AHI1: variants seen among roughly 807,000 people sequenced by gnomAD.
The protein encoded by AHI1 is jouberin.
Under a neutral mutation model 149.3 loss-of-function variants are expected in AHI1, and 123 were observed. The observed-to-expected ratio is 0.82, with a 90% CI of 0.71 to 0.96. The LOEUF is 0.96. Among genes scored for constraint, AHI1 ranks in the 40% least tolerant of loss-of-function variants. AHI1 has a pLI of 0.00. For missense variants in AHI1, 1,439 were observed against 1,422.7 expected (o/e 1.01, Z -0.18); for synonymous variants, 475 against 459.8 (o/e 1.03, Z -0.42).
chr6:135,285,693 GTCTTCTGACTACAACCAAA>G (rs1562430262), intron 28 of AHI1, 46 bp from the exon 29 acceptor site: 1 of 1,521,706 alleles, frequency 6.6e-7, no homozygotes, highest in Non-Finnish European at 9.0e-7. Flanking sequence ...CTTGAATAAT[GTCTTCTGACTACAACCAAA>G]TCTTAGTGTG....
intron 23 of AHI1, among the ~76,000 whole-genome samples, chr6:135,358,508 A>C (rs1793346315): frequency 6.6e-6 from 1 of 152,316 alleles, no homozygotes; most frequent in South Asian, 2.1e-4. Flanking sequence ...TCTTCCATGA[A>C]AGTTTTATTT....
intron 4 of AHI1, 97 bp from the exon 5 acceptor site, chr6:135,490,844 G>T (rs997756123): frequency 7.1e-7 from 1 of 1,412,542 alleles, no homozygotes. Flanking sequence ...TGTAAATATC[G>T]GCATGAGTTC....
chr6:135,437,424 C>G (rs1458231652), intron 15 of AHI1, among the ~76,000 whole-genome samples: 1 of 152,050 alleles, frequency 6.6e-6, no homozygotes, highest in East Asian at 1.9e-4. Context: ...AGGATATTGT[C>G]AAAAAGGAGT....
chr6:135,308,952 A>G (rs994113672), intron 26 of AHI1, among the ~76,000 whole-genome samples: 32 of 152,316 alleles, frequency 2.1e-4, no homozygotes, highest in Non-Finnish European at 4.3e-4. Context: ...GAGAGTTAAG[A>G]GGGTCCTGGA....
intron 20 of AHI1, among the ~76,000 whole-genome samples, chr6:135,416,300 T>G (rs1782369512): frequency 6.6e-6 from 1 of 151,540 alleles, no homozygotes; most frequent in South Asian, 2.1e-4. Context: ...AAAAGAACTG[T>G]GTCCAATAAA....
At chr6:135,359,774 T>A (rs1289643450) in intron 23 of AHI1, among the ~76,000 whole-genome samples, 2 of 152,224 alleles carry the variant, frequency 1.3e-5, no homozygotes, top group Non-Finnish European at 2.9e-5. Context: ...GGCTGATTAC[T>A]GATTTTTAAA....
chr6:135,480,929 A>G (rs1397212980), intron 5 of AHI1, among the ~76,000 whole-genome samples: 2 of 152,222 alleles, frequency 1.3e-5, no homozygotes, highest in Non-Finnish European at 2.9e-5. Context: ...ATGAGAATCT[A>G]ACTAATACCT....
chr6:135,425,740 C>T (rs1451313853), intron 20 of AHI1, among the ~76,000 whole-genome samples: 1 of 151,764 alleles, frequency 6.6e-6, no homozygotes, highest in Non-Finnish European at 1.5e-5. Context: ...ATGCTTAGCT[C>T]TTTCTCCTAC....
chr6:135,287,414 G>A (rs931953270), intron 28 of AHI1, among the ~76,000 whole-genome samples: 2 of 152,204 alleles, frequency 1.3e-5, no homozygotes, highest in Non-Finnish European at 2.9e-5. Context: ...AGGGAGAAAA[G>A]AGACAGAATA....
chr6:135,327,504 G>T (rs1202525105), intron 24 of AHI1, among the ~76,000 whole-genome samples: 1 of 152,168 alleles, frequency 6.6e-6, no homozygotes, highest in Non-Finnish European at 1.5e-5. Flanking sequence ...TCACAGTGTG[G>T]TGTTATAATA....
intron 26 of AHI1, among the ~76,000 whole-genome samples, chr6:135,306,595 G>C (rs999977150): frequency 5.9e-5 from 9 of 152,200 alleles, no homozygotes; most frequent in African/African-American, 1.9e-4. Context: ...CAAATCTCAT[G>C]AAGAGACAGT....
chr6:135,426,195 T>C (rs924779320), intron 20 of AHI1, among the ~76,000 whole-genome samples: 1 of 151,776 alleles, frequency 6.6e-6, no homozygotes, highest in South Asian at 2.1e-4. Context: ...AATGTCTGCT[T>C]GTAATAGTAA....
intron 8 of AHI1, 69 bp from the exon 9 acceptor site, chr6:135,457,782 A>C (rs1789214789): frequency 7.2e-7 from 1 of 1,394,914 alleles, no homozygotes; most frequent in East Asian, 2.3e-5. Flanking sequence ...CATATAACCT[A>C]ATCTTTAAGA....
intron 20 of AHI1, among the ~76,000 whole-genome samples, chr6:135,422,228 T>G (rs1266598085): frequency 6.6e-6 from 1 of 152,106 alleles, no homozygotes; most frequent in Non-Finnish European, 1.5e-5. Context: ...ATATTAAAAT[T>G]TAATGAGGCC....
chr6:135,330,203 C>A (rs1036588082), intron 24 of AHI1, among the ~76,000 whole-genome samples: 3 of 152,190 alleles, frequency 2.0e-5, no homozygotes, highest in African/African-American at 4.8e-5. Flanking sequence ...GGGTAAAATG[C>A]TATCAGACAG....
At chr6:135,411,220 C>A (rs941343927) in intron 21 of AHI1, 128 bp downstream of exon 21, 2 of 874,238 alleles carry the variant, frequency 2.3e-6, no homozygotes, top group African/African-American at 3.4e-5. Flanking sequence ...CTGAAAGGAA[C>A]CATAAAAGTA....
chr6:135,480,382 CA>C (rs1793428401), intron 5 of AHI1, among the ~76,000 whole-genome samples: 1 of 151,904 alleles, frequency 6.6e-6, no homozygotes. Flanking sequence ...TGCTTAAGCC[CA>C]GGAGGTGAAG....
At chr6:135,322,932 C>T (rs375622863) in intron 25 of AHI1, among the ~76,000 whole-genome samples, 4 of 152,076 alleles carry the variant, frequency 2.6e-5, no homozygotes, top group East Asian at 1.9e-4. Flanking sequence ...GCAGGGTCCC[C>T]GAGGATAAGA....
At position 135,366,050 on chromosome 6, in the gene AHI1, CTT is replaced by C. The variant is rs371322501; in HGVS notation, c.3110-7865_3110-7864del. Reference sequence around the variant, plus strand: ...CTGGATTTTGTCAAATGCTTTTTCTCTTGAGATGACCACATGACTTTTATTTT... The same window carrying C: ...CTGGATTTTGTCAAATGCTTTTTCTCGAGATGACCACATGACTTTTATTTT... On this transcript the variant is annotated intron_variant, in intron 23 of 28. Coordinates refer to ENST00000265602, the MANE Select transcript of AHI1 (RefSeq NM_001134831.2). 1.4e-3 allele frequency among the ~76,000 whole-genome samples: 210 copies of C among 152,204 alleles called. 1 individual carries two copies. Among genetic ancestry groups the C allele is most frequent in the African/African-American group, 4.6e-3 (193 of 41,536 alleles).
Sources: allele counts gnomAD v4.1 joint callset (sites outside exome capture counted in the v4.1 genomes callset), GRCh38; gene constraint gnomAD v4.1.1; transcripts MANE v1.5; gene names NCBI Gene and HGNC (gene_info 2026-07-23, HGNC 2026-07-21).